Variants in ATXN2 observed in about 807,000 individuals in gnomAD.
ATXN2 encodes the protein ataxin-2.
In ATXN2, 37 loss-of-function variants were observed where a neutral mutation model predicts 138.6. That is an observed-to-expected ratio of 0.27 (90% CI 0.21 to 0.35). ATXN2 has a LOEUF of 0.35. Among genes scored for constraint, ATXN2 ranks in the 10% least tolerant of loss-of-function variants. The pLI, the probability that ATXN2 is intolerant of heterozygous loss-of-function variation, is 1.00. For missense variants in ATXN2, 1,216 were observed against 1,480.3 expected (o/e 0.82, Z 2.93); for synonymous variants, 549 against 543.7 (o/e 1.01, Z -0.13).
At position 111,582,697 on chromosome 12, in the gene ATXN2, G is replaced by A. The variant is rs548094796; in HGVS notation, c.251+16087C>T. 4.4e-4 allele frequency among the ~76,000 whole-genome samples: 67 copies of A among 152,252 alleles called. 1 individual carries two copies. The highest frequency in any genetic ancestry group is 6.8e-3 in the Middle Eastern group (2 of 294). ...GTTTGTTTGTTTGAGACGGAGTCTC[G>A]CTCTGTCGCCCAGCAGGCTGGAGTG... On this transcript the variant is annotated intron_variant, in intron 1 of 24. Coordinates refer to ENST00000673436, the MANE Select transcript of ATXN2 (RefSeq NM_001372574.1).
intron 1 of ATXN2, among the ~76,000 whole-genome samples, chr12:111,564,577 A>G (rs1882886374): frequency 6.6e-6 from 1 of 151,936 alleles, no homozygotes; most frequent in South Asian, 2.1e-4. Flanking sequence ...AAGTTTGCCC[A>G]TCCTCACACT....
chr12:111,565,427 CA>C (rs1882941459), intron 1 of ATXN2, among the ~76,000 whole-genome samples: 1 of 152,048 alleles, frequency 6.6e-6, no homozygotes, highest in South Asian at 2.1e-4. Context: ...AATCTGTAAT[CA>C]GATTGTATTT....
chr12:111,509,411 C>A, intron 14 of ATXN2, 138 bp downstream of exon 14: 1 of 588,148 alleles, frequency 1.7e-6, no homozygotes, highest in Non-Finnish European at 3.1e-6. Flanking sequence ...AGGCAAAGAC[C>A]ACTTTAAAAA....
intron 5 of ATXN2, among the ~76,000 whole-genome samples, chr12:111,543,585 C>T (rs1459450605): frequency 6.6e-6 from 1 of 152,160 alleles, no homozygotes; most frequent in East Asian, 1.9e-4. Context: ...AGGCGCACAC[C>T]AGCACACCAG....
intron 14 of ATXN2, among the ~76,000 whole-genome samples, chr12:111,507,518 C>T (rs1879227671): frequency 1.3e-5 from 2 of 151,536 alleles, no homozygotes; most frequent in African/African-American, 2.4e-5. Flanking sequence ...CCCGGCCAGC[C>T]GCCCCATCCG....
rs1224209147 is a variant in ATXN2, at chr12:111,594,945, T to G, written c.251+3839A>C. ...AATGGTTACAGGTTTCAAAACATCT[T>G]CACATATATTACCTTATTAAATCCT... On this transcript the variant is annotated intron_variant, in intron 1 of 24. Transcript: ENST00000673436. Among the ~76,000 whole-genome samples, 3 of 152,176 alleles carry G rather than the reference T, an allele frequency of 2.0e-5. No individual in the cohort carries two copies. In the East Asian group the frequency reaches 5.8e-4, roughly 29 times the overall value.
At chr12:111,489,769 T>TAATAA (rs915144372) in intron 14 of ATXN2, among the ~76,000 whole-genome samples, 1 of 151,140 alleles carries the variant, frequency 6.6e-6, no homozygotes, top group Non-Finnish European at 1.5e-5. Flanking sequence ...TAAAAAATAA[T>TAATAA]AATAAAATAA....
At chr12:111,591,185 G>A (rs1041668068) in intron 1 of ATXN2, among the ~76,000 whole-genome samples, 4 of 151,918 alleles carry the variant, frequency 2.6e-5, no homozygotes, top group African/African-American at 4.8e-5. Flanking sequence ...CACCGTGCCC[G>A]GCCGGTGGAA....
intron 20 of ATXN2, among the ~76,000 whole-genome samples, chr12:111,467,296 C>A (rs1050228106): frequency 1.4e-5 from 2 of 141,616 alleles, no homozygotes; most frequent in African/African-American, 5.6e-5. Context: ...GCATGTGCCA[C>A]CATGACTGGG....
In ATXN2 at chr12:111,556,863, A is replaced by G. The variant is rs556231643; in HGVS notation, c.252-944T>C. On this transcript the variant is annotated intron_variant, in intron 1 of 24. Transcript: ENST00000673436. ...ACAGGTCATATGATTACAACTGCAGAAAAAAAAAAACTGAAAATAAGCTAA... is the reference window on the plus strand; with the variant it reads ...ACAGGTCATATGATTACAACTGCAGGAAAAAAAAAACTGAAAATAAGCTAA... Among the ~76,000 whole-genome samples, 44 of 121,574 alleles carry G rather than the reference A, an allele frequency of 3.6e-4. No homozygotes were observed. The South Asian group carries it at 7.3e-3, about 20-fold the overall frequency. The allele number at this position is 121,574 out of a possible 152,430, so 79.8% of individuals were successfully genotyped here. A position where few individuals can be genotyped will look rare whatever the true frequency, so the allele number is the denominator to read the frequency against.
At chr12:111,553,070 C>T in intron 3 of ATXN2, 93 bp from the exon 4 acceptor site, 1 of 744,694 alleles carries the variant, frequency 1.3e-6, no homozygotes, top group Middle Eastern at 2.8e-4. Flanking sequence ...CCTCATCAGG[C>T]TTCATTCAAT....
At chr12:111,564,750 CCT>C (rs1822265731) in intron 1 of ATXN2, 1 of 152,120 alleles carries the variant, frequency 6.6e-6, no homozygotes, top group African/African-American at 2.4e-5. Flanking sequence ...GTTACAAGAC[CCT>C]GTCTTTTAAA....
chr12:111,591,495 C>T (rs1884663903), intron 1 of ATXN2, among the ~76,000 whole-genome samples: 1 of 151,804 alleles, frequency 6.6e-6, no homozygotes, highest in South Asian at 2.1e-4. Flanking sequence ...CATGGCAGGA[C>T]CCTGTCTCTA....
Position 111,516,486 on chromosome 12 carries a change from C to T in ATXN2, c.1166-123G>A. 1 of 919,514 alleles carries T rather than the reference C, an allele frequency of 1.1e-6. No homozygotes were observed. Among genetic ancestry groups the T allele is most frequent in the Non-Finnish European group, 1.6e-6 (1 of 619,352 alleles). 57.0% of individuals were successfully genotyped at this position (919,514 alleles called of 1,614,324 possible). A position where few individuals can be genotyped will look rare whatever the true frequency, so the allele number is the denominator to read the frequency against. On this transcript the variant is annotated intron_variant, in intron 9 of 24. Transcript: ENST00000673436. This position sits in a 1 kb window ranked among gnomAD's most constrained non-coding sequence, Gnocchi z 5.0. ...CTTGTACATTTTAACCCTTTGAGGA[C>T]AGTCATTTGATTTGTGATAAGTTTT...
chr12:111,495,864 C>T (rs953398849), intron 14 of ATXN2, among the ~76,000 whole-genome samples: 3 of 151,930 alleles, frequency 2.0e-5, no homozygotes, highest in Non-Finnish European at 4.4e-5. Flanking sequence ...AAAGATTTGA[C>T]GTGGCACAGT....
Position 111,574,246 on chromosome 12 carries a change from T to C in ATXN2, c.252-18327A>G, listed in dbSNP as rs983140473. On this transcript the variant is annotated intron_variant, in intron 1 of 24. Coordinates refer to ENST00000673436, the MANE Select transcript of ATXN2 (RefSeq NM_001372574.1). ...TGGCGTGAACCCGAGAGGCAGAGCT[T>C]GTAGTGAGCCAAGATCGCACCACTG... 4.2e-5 allele frequency among the ~76,000 whole-genome samples: 6 copies of C among 142,786 alleles called. No homozygotes were observed. The South Asian group carries it at 1.4e-3, about 32-fold the overall frequency. 93.7% of individuals were successfully genotyped at this position (142,786 alleles called of 152,430 possible). A position where few individuals can be genotyped will look rare whatever the true frequency, so the allele number is the denominator to read the frequency against.
intron 1 of ATXN2, among the ~76,000 whole-genome samples, chr12:111,566,438 C>CAA (rs1349759771): frequency 1.0e-5 from 1 of 97,630 alleles, no homozygotes. Flanking sequence ...AACTCCATCT[C>CAA]AAAAAAAAAG....
rs10560189 is a variant in ATXN2, at chr12:111,598,949, G to GGCTGCTGCTGCT, written c.74_85dup (p.Gln25_Gln28dup). ...GCGGACATTGGCAGCCGCGGGCGGCGGCTGCTGCTGCTGCTGCTGCTGCTG... is the reference window on the plus strand; with the variant it reads ...GCGGACATTGGCAGCCGCGGGCGGCGGCTGCTGCTGCTGCTGCTGCTGCTGCTGCTGCTGCTG... On this transcript the variant is annotated inframe_insertion, in exon 1 of 25. Transcript: ENST00000673436. This position sits in a 1 kb window ranked among gnomAD's most constrained non-coding sequence, Gnocchi z 4.5. 219 of 1,411,936 alleles carry GGCTGCTGCTGCT rather than the reference G, an allele frequency of 1.6e-4. 1 individual carries two copies. The highest frequency in any genetic ancestry group is 5.9e-4 in the Admixed American group (26 of 44,242). 87.5% of individuals were successfully genotyped at this position (1,411,936 alleles called of 1,614,324 possible). A position where few individuals can be genotyped will look rare whatever the true frequency, so the allele number is the denominator to read the frequency against.
chr12:111,580,129 G>GA (rs1883912943), intron 1 of ATXN2, among the ~76,000 whole-genome samples: 1 of 152,034 alleles, frequency 6.6e-6, no homozygotes, highest in African/African-American at 2.4e-5. Flanking sequence ...GTGAACTGCT[G>GA]ACCAATGCTC....
Sources: gnomAD v4.1 joint callset for allele counts (sites outside exome capture counted in the v4.1 genomes callset) on GRCh38, gnomAD v4.1.1 for gene constraint, Gnocchi (gnomAD v3.1) non-coding constraint, MANE v1.5 for transcripts, NCBI Gene and HGNC (gene_info 2026-07-23, HGNC 2026-07-21) for gene names.